SELENOF: variants seen among roughly 807,000 people sequenced by gnomAD.
SELENOF encodes selenoprotein F.
Under a neutral mutation model 20.5 loss-of-function variants are expected in SELENOF, and 16 were observed. The observed-to-expected ratio is 0.78, with a 90% CI of 0.53 to 1.19. The LOEUF (loss-of-function observed/expected upper bound fraction) is 1.19. Among genes scored for constraint, SELENOF ranks in the 50% most tolerant of loss-of-function variants. The pLI, the probability that SELENOF is intolerant of heterozygous loss-of-function variation, is 0.00. For missense variants in SELENOF, 215 were observed against 194.2 expected, an observed-to-expected ratio of 1.11 and a Z score of -0.64; for synonymous variants, 78 against 74.5, an observed-to-expected ratio of 1.05 and a Z score of -0.24.
At chr1:86,868,837 C>G (rs1237820998) in intron 3 of SELENOF, among the ~76,000 whole-genome samples, 1 of 151,972 alleles carries the variant, frequency 6.6e-6, no homozygotes, top group Non-Finnish European at 1.5e-5. Context: ...ATGGAAACAT[C>G]AGGACAGCAA....
chr1:86,897,836 G>C (rs1320195035), intron 2 of SELENOF, among the ~76,000 whole-genome samples: 1 of 152,206 alleles, frequency 6.6e-6, no homozygotes, highest in African/African-American at 2.4e-5. Flanking sequence ...CCAATTTTTA[G>C]CTGCTCCTTC....
At chr1:86,883,964 CA>C (rs966788911) in intron 2 of SELENOF, among the ~76,000 whole-genome samples, 3 of 151,946 alleles carry the variant, frequency 2.0e-5, no homozygotes, top group African/African-American at 7.2e-5. Context: ...TGACCTTTTT[CA>C]AAAAAACTTT....
At chr1:86,878,509 G>A (rs534502188) in intron 3 of SELENOF, among the ~76,000 whole-genome samples, 6 of 152,208 alleles carry the variant, frequency 3.9e-5, no homozygotes, top group South Asian at 2.1e-4. Flanking sequence ...GCAAAACCCC[G>A]CCTCTACTAA....
chr1:86,879,985 C>G (rs1659021370), intron 3 of SELENOF, among the ~76,000 whole-genome samples: 1 of 152,124 alleles, frequency 6.6e-6, no homozygotes, highest in South Asian at 2.1e-4. Flanking sequence ...CCACATAAAT[C>G]AATTCACATT....
chr1:86,913,301 G>A (rs948273101), intron 1 of SELENOF, among the ~76,000 whole-genome samples: 1 of 152,140 alleles, frequency 6.6e-6, no homozygotes, highest in African/African-American at 2.4e-5. Context: ...TCACACAGCA[G>A]AACATGGATA....
intron 1 of SELENOF, among the ~76,000 whole-genome samples, chr1:86,911,275 T>C (rs564448922): frequency 2.1e-4 from 32 of 152,192 alleles, no homozygotes; most frequent in Non-Finnish European, 2.8e-4. Context: ...CCATTTTTGT[T>C]GTAGGGTAGG....
At chr1:86,865,445 A>C (rs1394739002) in intron 4 of SELENOF, among the ~76,000 whole-genome samples, 2 of 152,200 alleles carry the variant, frequency 1.3e-5, no homozygotes, top group Non-Finnish European at 2.9e-5. Flanking sequence ...ACAACAACCA[A>C]AAATCCCAAT....
intron 2 of SELENOF, among the ~76,000 whole-genome samples, chr1:86,885,034 G>T (rs1165094967): frequency 6.6e-6 from 1 of 152,132 alleles, no homozygotes; most frequent in Non-Finnish European, 1.5e-5. Context: ...TGCCTTAGTT[G>T]TAACAGGATT....
intron 2 of SELENOF, among the ~76,000 whole-genome samples, chr1:86,883,503 T>C (rs1659133550): frequency 6.6e-6 from 1 of 151,974 alleles, no homozygotes; most frequent in Non-Finnish European, 1.5e-5. Flanking sequence ...GTACACTAAA[T>C]AGTGTATAGT....
At chr1:86,910,424 G>T (rs1396904058) in intron 1 of SELENOF, among the ~76,000 whole-genome samples, 6 of 151,678 alleles carry the variant, frequency 4.0e-5, no homozygotes, top group African/African-American at 1.5e-4. Flanking sequence ...GTTTCAGTCT[G>T]GCTGGGCGCG....
intron 1 of SELENOF, among the ~76,000 whole-genome samples, chr1:86,910,108 GAGAT>G (rs1659940045): frequency 6.6e-6 from 1 of 152,248 alleles, no homozygotes; most frequent in Admixed American, 6.5e-5. Flanking sequence ...CAGGGAGAAA[GAGAT>G]AAAGAAACAA....
chr1:86,887,684 CAGG>C (rs771028124), intron 2 of SELENOF, among the ~76,000 whole-genome samples: 7 of 151,968 alleles, frequency 4.6e-5, no homozygotes, highest in Non-Finnish European at 7.4e-5. Flanking sequence ...TGATGACAAA[CAGG>C]AGTTCTATAT....
rs537244879 is a variant in SELENOF at position 86,888,155 on chromosome 1, C to T, written c.253-7430G>A. On this transcript the variant is annotated intron_variant, in intron 2 of 4. Coordinates refer to ENST00000331835, the MANE Select transcript of SELENOF (RefSeq NM_004261.5). ...GGTGCCTGTAATCCCAGCTACTGGG[C>T]AGGCTGAGGTGGGAGAATCACTTGG... Among the ~76,000 whole-genome samples, 4 of 151,558 alleles carry T rather than the reference C, an allele frequency of 2.6e-5. No individual in the cohort carries two copies. The South Asian group carries it at 8.4e-4, about 32-fold the overall frequency.
intron 2 of SELENOF, among the ~76,000 whole-genome samples, chr1:86,883,670 A>G (rs1659137133): frequency 6.6e-6 from 1 of 152,176 alleles, no homozygotes; most frequent in Non-Finnish European, 1.5e-5. Context: ...ACCTAATAAT[A>G]TTTCTCTATA....
intron 3 of SELENOF, among the ~76,000 whole-genome samples, chr1:86,869,406 G>A (rs960793150): frequency 2.0e-5 from 3 of 152,150 alleles, no homozygotes; most frequent in Non-Finnish European, 4.4e-5. Context: ...ACTTTTATGT[G>A]TAAAAAGCAA....
At chr1:86,899,012 T>C (rs1274638985) in intron 2 of SELENOF, among the ~76,000 whole-genome samples, 2 of 152,048 alleles carry the variant, frequency 1.3e-5, no homozygotes, top group African/African-American at 2.4e-5. Context: ...CCTTCAAGCA[T>C]CTGTTTAACA....
At chr1:86,877,331 C>T (rs1330449148) in intron 3 of SELENOF, among the ~76,000 whole-genome samples, 1 of 152,132 alleles carries the variant, frequency 6.6e-6, no homozygotes, top group Non-Finnish European at 1.5e-5. Flanking sequence ...GCTAATGGAT[C>T]AGTATTCTTT....
intron 4 of SELENOF, among the ~76,000 whole-genome samples, chr1:86,867,803 G>T: frequency 6.8e-6 from 1 of 147,680 alleles, no homozygotes; most frequent in East Asian, 2.0e-4. Context: ...CTGAGGGTGG[G>T]GGTGGGGGCC....
At chr1:86,909,834 T>G (rs1659929671) in intron 1 of SELENOF, among the ~76,000 whole-genome samples, 1 of 152,058 alleles carries the variant, frequency 6.6e-6, no homozygotes, top group South Asian at 2.1e-4. Flanking sequence ...TGAAACCCCG[T>G]CTCCACTAAA....
Sources: gnomAD v4.1 joint callset for allele counts (sites outside exome capture counted in the v4.1 genomes callset) on GRCh38, gnomAD v4.1.1 for gene constraint, MANE v1.5 for transcripts, NCBI Gene and HGNC (gene_info 2026-07-23, HGNC 2026-07-21) for gene names.